Variants in SLC22A23 observed in about 807,000 individuals in gnomAD.
The protein encoded by SLC22A23 is solute carrier family 22 member 23, also known as ion transporter protein.
SLC22A23 carries 26 observed loss-of-function variants against 61.0 expected under a neutral mutation model. The ratio of observed to expected loss-of-function variants is 0.43; its 90% CI spans 0.31 to 0.59. The LOEUF is 0.59. SLC22A23 is among the 20% of genes least tolerant of loss of function. The pLI, the probability that SLC22A23 is intolerant of heterozygous loss-of-function variation, is 0.11. For synonymous variants in SLC22A23, 430 were observed against 413.9 expected (o/e 1.04, Z -0.47); for missense variants, 796 against 934.7 (o/e 0.85, Z 1.94).
At chr6:3,402,466 C>CCAGCCAACCCCAA (rs1561954726) in intron 3 of SLC22A23, among the ~76,000 whole-genome samples, 22 of 30,350 alleles carry the variant, frequency 7.2e-4, no homozygotes, top group African/African-American at 4.7e-3. Context: ...TAGCTAAGCC[C>CCAGCCAACCCCAA]TAATCACCCA....
intron 1 of SLC22A23, among the ~76,000 whole-genome samples, chr6:3,416,196 C>T (rs1199401026): frequency 6.6e-6 from 1 of 152,238 alleles, no homozygotes. Context: ...CCCTGAGGAC[C>T]AGTGGTCCCT....
intron 6 of SLC22A23, among the ~76,000 whole-genome samples, chr6:3,289,115 A>G (rs1760324500): frequency 6.6e-6 from 1 of 152,232 alleles, no homozygotes; most frequent in South Asian, 2.1e-4. Context: ...GACCCTGAAC[A>G]AGGGACCACC....
chr6:3,373,352 CT>C (rs886290726), intron 3 of SLC22A23, among the ~76,000 whole-genome samples: 95 of 151,594 alleles, frequency 6.3e-4, no homozygotes, highest in African/African-American at 2.2e-3. Context: ...GCCCCATCTG[CT>C]TTTCCCCTTT....
At chr6:3,298,378 G>A (rs1581642631) in intron 4 of SLC22A23, among the ~76,000 whole-genome samples, 160 bp from the exon 5 acceptor site, 2 of 152,230 alleles carry the variant, frequency 1.3e-5, no homozygotes, top group Non-Finnish European at 1.5e-5. Context: ...GCACTGAAAC[G>A]TTCCCAGTTT....
intron 1 of SLC22A23, among the ~76,000 whole-genome samples, chr6:3,444,260 T>C (rs566330700): frequency 3.3e-5 from 5 of 152,248 alleles, no homozygotes; most frequent in African/African-American, 1.2e-4. Context: ...TGCTCATCAA[T>C]AGTGACACAA....
At chr6:3,335,360 T>C (rs1365584460) in intron 3 of SLC22A23, among the ~76,000 whole-genome samples, 1 of 152,320 alleles carries the variant, frequency 6.6e-6, no homozygotes, top group East Asian at 1.9e-4. Flanking sequence ...TGACAGAGCT[T>C]GTCTCACACA....
intron 4 of SLC22A23, chr6:3,311,535 C>A (rs145404087): frequency 6.6e-6 from 1 of 152,048 alleles, no homozygotes; most frequent in African/African-American, 2.4e-5. Flanking sequence ...ATTTTTTAAA[C>A]GTTAGTTCTG....
At chr6:3,402,311 T>C (rs1452865113) in intron 3 of SLC22A23, among the ~76,000 whole-genome samples, 1 of 152,224 alleles carries the variant, frequency 6.6e-6, no homozygotes, top group Non-Finnish European at 1.5e-5. Context: ...TCTTTCTCAA[T>C]TGAGATCCTT....
rs551916084 is a variant in SLC22A23 at position 3,414,872 on chromosome 6, G to A, written c.758+880C>T. On this transcript the variant is annotated intron_variant, in intron 2 of 9. Coordinates refer to ENST00000406686, the MANE Select transcript of SLC22A23 (RefSeq NM_015482.2). The surrounding 1 kb of genome is among the most constrained non-coding windows in gnomAD (Gnocchi z 5.1). ...CTCCCTGCTTAGACACCTCACCGCT[G>A]CTGCCCCTGTGACCACAGAATGCCT... is the stretch of plus-strand genomic sequence containing the variant. Among the ~76,000 whole-genome samples the A allele has an allele frequency of 1.3e-5, 2 of 152,228 alleles. No individual in the cohort carries two copies. The highest frequency in any genetic ancestry group is 4.8e-5 in the African/African-American group (2 of 41,534).
At chr6:3,373,961 C>G (rs947858192) in intron 3 of SLC22A23, among the ~76,000 whole-genome samples, 2 of 152,226 alleles carry the variant, frequency 1.3e-5, no homozygotes, top group African/African-American at 4.8e-5. Flanking sequence ...GAGGCAGGTA[C>G]TTTTGTTATC....
chr6:3,407,482 A>G (rs1768918151), intron 3 of SLC22A23, among the ~76,000 whole-genome samples: 1 of 152,070 alleles, frequency 6.6e-6, no homozygotes, highest in Non-Finnish European at 1.5e-5. Flanking sequence ...CATTATGACT[A>G]TTTCCTTTTT....
chr6:3,333,411 C>T lies in SLC22A23; in HGVS notation c.914-9409G>A, dbSNP rs1763682753. 6.6e-6 allele frequency among the ~76,000 whole-genome samples: 1 copy of T among 152,098 alleles called. No individual in the cohort carries two copies. The highest frequency in any genetic ancestry group is 2.4e-5 in the African/African-American group (1 of 41,402). On this transcript the variant is annotated intron_variant, in intron 3 of 9. Transcript: ENST00000406686. The surrounding 1 kb of genome is among the most constrained non-coding windows in gnomAD (Gnocchi z 4.1). ...GTGAAAGCAAAGTCTTTCACAGTGA[C>T]CCATGTGATTTCCACCCCTCCCGCA...
At chr6:3,361,891 G>A (rs73720548) in intron 3 of SLC22A23, among the ~76,000 whole-genome samples, 4,547 of 152,184 alleles carry the variant, frequency 0.03, 203 homozygotes, top group African/African-American at 0.098. Flanking sequence ...TCCCTACCCC[G>A]AGGGATTTAC....
intron 4 of SLC22A23, among the ~76,000 whole-genome samples, chr6:3,301,691 A>G (rs915565302): frequency 1.5e-4 from 23 of 152,226 alleles, no homozygotes; most frequent in African/African-American, 5.3e-4. Context: ...CCCAGGGCTG[A>G]GGGCGCAGGT....
chr6:3,436,195 A>C (rs1473043529), intron 1 of SLC22A23, among the ~76,000 whole-genome samples: 1 of 151,940 alleles, frequency 6.6e-6, no homozygotes, highest in African/African-American at 2.4e-5. Context: ...TCTGGAGTGC[A>C]ATGGTGTGAT....
intron 3 of SLC22A23, among the ~76,000 whole-genome samples, chr6:3,369,521 T>C (rs1034857175): frequency 6.6e-6 from 1 of 151,982 alleles, no homozygotes; most frequent in African/African-American, 2.4e-5. Context: ...TGAAACCCCA[T>C]CTCTACTAAA....
At chr6:3,449,578 TCC>T (rs1772070735) in intron 1 of SLC22A23, among the ~76,000 whole-genome samples, 1 of 152,210 alleles carries the variant, frequency 6.6e-6, no homozygotes, top group Admixed American at 6.5e-5. Flanking sequence ...ATGTTTAACT[TCC>T]TTCATAACAA....
Position 3,456,008 on chromosome 6 carries a change from G to A in SLC22A23, c.552C>T (p.Pro184=), listed in dbSNP as rs941721110. 5.8e-6 allele frequency: 9 copies of A among 1,547,008 alleles called. No individual in the cohort carries two copies. The highest frequency in any genetic ancestry group is 7.8e-6 in the Non-Finnish European group (9 of 1,146,802). ...SSGADGGDTP[P]LPSPPDKGDN... ...CCCCCTTGTCCGGAGGGGATGGCAGGGGTGGTGTGTCGCCTCCGTCCGCGC... is the reference window on the plus strand; with the variant it reads ...CCCCCTTGTCCGGAGGGGATGGCAGAGGTGGTGTGTCGCCTCCGTCCGCGC... The change falls in exon 1 of 10, where the codon CCC becomes CCT. Residue 184 remains proline (P), a synonymous_variant. Coordinates refer to ENST00000406686, the MANE Select transcript of SLC22A23 (RefSeq NM_015482.2). This position sits in a 1 kb window ranked among gnomAD's most constrained non-coding sequence, Gnocchi z 7.1.
At chr6:3,361,139 T>G (rs1455214338) in intron 3 of SLC22A23, among the ~76,000 whole-genome samples, 1 of 151,008 alleles carries the variant, frequency 6.6e-6, no homozygotes, top group Admixed American at 6.6e-5. Context: ...AGATCAGGGT[T>G]TCTCCCCCAA....
Sources: gnomAD v4.1 joint callset for allele counts (sites outside exome capture counted in the v4.1 genomes callset) on GRCh38, gnomAD v4.1.1 for gene constraint, Gnocchi (gnomAD v3.1) non-coding constraint, MANE v1.5 for transcripts, NCBI Gene and HGNC (gene_info 2026-07-23, HGNC 2026-07-21) for gene names.